Variants in LONP1 observed in about 807,000 individuals in gnomAD.
The protein encoded by LONP1 is lon peptidase 1, mitochondrial.
A neutral mutation model predicts 98.5 loss-of-function variants in LONP1; 31 were observed. The ratio of observed to expected loss-of-function variants is 0.31; its 90% CI spans 0.24 to 0.42. The LOEUF is 0.42. Ranked by LOEUF, LONP1 falls within the 20% of genes least tolerant of loss-of-function variation. The probability of loss-of-function intolerance (pLI) is 1.00; values close to 1 mark genes in which losing one functional copy is unlikely to be tolerated. For missense variants in LONP1, 1,336 were observed against 1,350.6 expected, an observed-to-expected ratio of 0.99 and a Z score of 0.17; for synonymous variants, 781 against 594.7, an observed-to-expected ratio of 1.31 and a Z score of -4.56.
In LONP1 at chr19:5,705,786, G is replaced by A; in HGVS notation, c.1353C>T (p.His451=). 6.2e-7 allele frequency: 1 copy of A among 1,613,980 alleles called. No homozygotes were observed. Among genetic ancestry groups the A allele is most frequent in the Non-Finnish European group, 8.5e-7 (1 of 1,180,032 alleles). Residue 451 remains histidine, a synonymous_variant, in exon 8 of 18, where the codon CAC becomes CAT. Coordinates refer to ENST00000360614, the MANE Select transcript of LONP1 (RefSeq NM_004793.4). ...CTGGCACTCACTTGAACTCCGAGGAGTGGTTGTCCAGCAGGCCCAGCTTGC... is the reference window on the plus strand; with the variant it reads ...CTGGCACTCACTTGAACTCCGAGGAATGGTTGTCCAGCAGGCCCAGCTTGC... ...ELSKLGLLDN[H]SSEFNVTRNY... is the part of the protein sequence containing the mutation.
chr19:5,703,328 A>G (rs1456734297), intron 8 of LONP1, among the ~76,000 whole-genome samples: 1 of 152,180 alleles, frequency 6.6e-6, no homozygotes, highest in African/African-American at 2.4e-5. Context: ...GCAGAACCAC[A>G]GAGGGGACGA....
chr19:5,716,259 C>CATACATATATATATATATATATAT (rs1555714148), intron 1 of LONP1, among the ~76,000 whole-genome samples: 2 of 77,234 alleles, frequency 2.6e-5, no homozygotes, highest in Non-Finnish European at 2.3e-5. Context: ...TTAAAATATA[C>CATACATATATATATATATATATAT]ATATATATAT....
In LONP1 at chr19:5,720,128, G is replaced by C; in HGVS notation, c.5C>G (p.Ala2Gly). The change falls in exon 1 of 18, where the codon GCG becomes GGG. Residue 2 changes from alanine to glycine, a missense_variant. By Grantham distance (60) the Ala-to-Gly change is moderately conservative. Around this residue, in one of 5 missense-constraint regions of LONP1, gnomAD observed 457 missense variants for 403.1 expected, o/e 1.13. Transcript: ENST00000360614. MAASTGYVRLWG... is the reference protein window; with the variant it reads MGASTGYVRLWG... The stretch of plus-strand genomic sequence containing the variant: ...CAGTCGCACGTAGCCAGTGCTCGCC[G>C]CCATAGCCCGGCCATACTGGCGGCT... The C allele has an allele frequency of 7.1e-7, 1 of 1,412,330 alleles. No homozygotes were observed. Among genetic ancestry groups the C allele is most frequent in the Non-Finnish European group, 9.2e-7 (1 of 1,091,244 alleles). 87.5% of individuals were successfully genotyped at this position (1,412,330 alleles called of 1,614,324 possible).
At chr19:5,701,010 G>A (rs1410975066) in intron 8 of LONP1, 83 bp from the exon 9 acceptor site, 1 of 1,541,062 alleles carries the variant, frequency 6.5e-7, no homozygotes, top group African/African-American at 1.4e-5. Context: ...GTGGTTGCAA[G>A]GGGCTTGAAA....
chr19:5,696,419 G>T (rs1269581941), intron 11 of LONP1, 48 bp from the exon 12 acceptor site: 6 of 1,597,586 alleles, frequency 3.8e-6, no homozygotes, highest in Non-Finnish European at 5.1e-6. Flanking sequence ...CCCCTGGCCA[G>T]CCCGCCCAGT....
chr19:5,718,266 T>G (rs2145638191), intron 1 of LONP1, among the ~76,000 whole-genome samples: 1 of 151,838 alleles, frequency 6.6e-6, no homozygotes, highest in East Asian at 1.9e-4. Context: ...TCACTTGAGG[T>G]CAGGAGTTCG....
chr19:5,718,281 G>A (rs1052280588), intron 1 of LONP1, among the ~76,000 whole-genome samples: 4 of 151,908 alleles, frequency 2.6e-5, no homozygotes, highest in African/African-American at 7.3e-5. Context: ...AGTTCGAGAC[G>A]AGCGTGGGCA....
intron 15 of LONP1, 83 bp from the exon 16 acceptor site, chr19:5,693,852 C>T (rs994327173): frequency 7.5e-5 from 86 of 1,150,300 alleles, no homozygotes; most frequent in Middle Eastern, 2.5e-4. Context: ...CCACTCTGAC[C>T]GCTCCTGCCC....
At chr19:5,700,705 T>C (rs554025112) in intron 9 of LONP1, 84 bp downstream of exon 9, 484 of 1,558,066 alleles carry the variant, frequency 3.1e-4, no homozygotes, top group Non-Finnish European at 3.4e-4. Context: ...GGGGGCTCCT[T>C]TGAAATCTCA....
At chr19:5,720,417 C>T (rs888982775), upstream of LONP1, 7 of 570,988 alleles carry the variant, frequency 1.2e-5, no homozygotes, top group African/African-American at 1.2e-4. Flanking sequence ...GCAAACGCAA[C>T]GTTTAGGAAC....
At chr19:5,713,816 G>A (rs980317080) in intron 2 of LONP1, among the ~76,000 whole-genome samples, 5 of 152,170 alleles carry the variant, frequency 3.3e-5, no homozygotes, top group African/African-American at 1.2e-4. Context: ...ACATGCCTCA[G>A]CCTCCCAAAG....
chr19:5,695,935 C>T, intron 13 of LONP1, 119 bp downstream of exon 13: 1 of 823,498 alleles, frequency 1.2e-6, no homozygotes, highest in South Asian at 1.7e-5. Context: ...TGCTCCTCGG[C>T]CGCAGGTCCC....
chr19:5,708,582 C>G (rs2055185900), intron 4 of LONP1, 179 bp from the exon 5 acceptor site: 1 of 603,192 alleles, frequency 1.7e-6, no homozygotes. Flanking sequence ...GGTGGACTCA[C>G]CAGTCCCAGG....
chr19:5,704,302 T>C (rs997151830), intron 8 of LONP1, among the ~76,000 whole-genome samples: 1 of 152,114 alleles, frequency 6.6e-6, no homozygotes, highest in African/African-American at 2.4e-5. Flanking sequence ...GGGCTCGGCA[T>C]TGTGTAAGGC....
intron 4 of LONP1, chr19:5,708,875 TGATGGCGGGCGC>T (rs1250507363): frequency 2.0e-5 from 3 of 153,818 alleles, no homozygotes; most frequent in Non-Finnish European, 4.3e-5. Context: ...TAGGCGGGCG[TGATGGCGGGCGC>T]CTGTAGTCCC....
chr19:5,695,432 G>GC (rs2054908459), intron 13 of LONP1, among the ~76,000 whole-genome samples: 1 of 152,002 alleles, frequency 6.6e-6, no homozygotes, highest in Admixed American at 6.5e-5. Context: ...GGGTCCCCAT[G>GC]CCCCCCAGTC....
intron 5 of LONP1, 97 bp downstream of exon 5, chr19:5,708,245 C>T: frequency 7.8e-7 from 1 of 1,277,238 alleles, no homozygotes; most frequent in Non-Finnish European, 1.1e-6. Context: ...GCAAGGTTTC[C>T]TCCCAGGAGG....
Position 5,708,300 on chromosome 19 carries a change from A to G in LONP1, c.932+42T>C, listed in dbSNP as rs372602736. ...CCCACCCAGCTGCAGAAAGAGCTGCAGAGATGCCCCCGCCTGGCCAGCTGC... is the reference window on the plus strand; with the variant it reads ...CCCACCCAGCTGCAGAAAGAGCTGCGGAGATGCCCCCGCCTGGCCAGCTGC... On this transcript the variant is annotated intron_variant, in intron 5 of 17. Transcript: ENST00000360614. 4 of 1,589,228 alleles carry G rather than the reference A, an allele frequency of 2.5e-6. No individual in the cohort carries two copies. In the African/African-American group the frequency reaches 5.4e-5, roughly 22 times the overall value.
intron 13 of LONP1, 76 bp from the exon 14 acceptor site, chr19:5,694,977 C>T: frequency 2.0e-6 from 3 of 1,502,432 alleles, no homozygotes; most frequent in Non-Finnish European, 2.7e-6. Flanking sequence ...GGAGCCAATG[C>T]CTCTCCCATG....
Sources: allele counts gnomAD v4.1 joint callset (sites outside exome capture counted in the v4.1 genomes callset), GRCh38; gene constraint gnomAD v4.1.1; regional missense constraint gnomAD v4.1.1; transcripts MANE v1.5; gene names NCBI Gene and HGNC (gene_info 2026-07-23, HGNC 2026-07-21).